The following PSD3 variants were observed in gnomAD, a reference collection of about 807,000 sequenced individuals.
The protein encoded by PSD3 is PH and SEC7 domain-containing protein 3.
A neutral mutation model predicts 105.5 loss-of-function variants in PSD3; 49 were observed. The ratio of observed to expected loss-of-function variants is 0.46; its 90% confidence interval spans 0.37 to 0.59. The LOEUF (loss-of-function observed/expected upper bound fraction) is 0.59. PSD3 is among the 20% of genes least tolerant of loss of function. The pLI is 0.00. For missense variants in PSD3, 1,561 were observed against 1,263.8 expected (o/e 1.24, Z -3.57); for synonymous variants, 557 against 457.8 (o/e 1.22, Z -2.77).
At chr8:18,808,698 C>G in intron 4 of PSD3, 2 of 1,609,354 alleles carry the variant, frequency 1.2e-6, no homozygotes, top group Non-Finnish European at 1.7e-6. Context: ...GAACAAGAAC[C>G]GGAATTGCTC....
rs148226024 is a variant in PSD3, at chr8:18,945,915, C to T, written c.22-9773G>A. The stretch of plus-strand genomic sequence containing the variant: ...CTTGAACCCGGGAAGTGGAGGCTGC[C>T]GTGAGCCGAGATCGCGCCATGCACT... On this transcript the variant is annotated intron_variant, in intron 1 of 15. Coordinates refer to ENST00000327040, the MANE Select transcript of PSD3 (RefSeq NM_015310.4). Among the ~76,000 whole-genome samples, 132 of 152,236 alleles carry T rather than the reference C, an allele frequency of 8.7e-4. 1 individual carries two copies. The highest frequency in any genetic ancestry group is 3.0e-3 in the African/African-American group (124 of 41,534).
intron 4 of PSD3, among the ~76,000 whole-genome samples, chr8:18,821,551 C>T (rs918322901): frequency 2.0e-5 from 3 of 151,848 alleles, no homozygotes; most frequent in Non-Finnish European, 2.9e-5. Context: ...TTTTTCCTAA[C>T]AAAACTGAAT....
At chr8:18,563,499 C>T (rs375424595) in intron 14 of PSD3, among the ~76,000 whole-genome samples, 2 of 151,900 alleles carry the variant, frequency 1.3e-5, no homozygotes, top group African/African-American at 2.4e-5. Context: ...CTGTTCAAAA[C>T]GAAGTGGTAC....
chr8:18,828,956 T>G (rs944540765), intron 4 of PSD3, among the ~76,000 whole-genome samples: 8 of 151,916 alleles, frequency 5.3e-5, no homozygotes, highest in Admixed American at 2.6e-4. Context: ...AATATAAAAT[T>G]CAGTTACTAA....
intron 12 of PSD3, among the ~76,000 whole-genome samples, chr8:18,592,045 T>C (rs1428329834): frequency 2.0e-5 from 3 of 152,044 alleles, no homozygotes; most frequent in South Asian, 4.1e-4. Context: ...CAGGAAAACA[T>C]GGTTCAATGG....
chr8:18,576,902 T>A lies in PSD3; in HGVS notation c.2482-1617A>T, dbSNP rs78536551. Among the ~76,000 whole-genome samples, 1,020 of 150,298 alleles carry A rather than the reference T, an allele frequency of 6.8e-3. 2 individuals carry two copies. The highest frequency in any genetic ancestry group is 0.017 in the Middle Eastern group (5 of 292). On this transcript the variant is annotated intron_variant, in intron 12 of 15. Coordinates refer to ENST00000327040, the MANE Select transcript of PSD3 (RefSeq NM_015310.4). ...AATTTGTGTGTACTTTTTTTTTTTT[T>A]ATATTCTAGGTCCATGATTTAAGCT...
intron 1 of PSD3, among the ~76,000 whole-genome samples, chr8:19,034,249 G>A (rs970086810): frequency 3.9e-5 from 6 of 152,054 alleles, no homozygotes; most frequent in African/African-American, 1.2e-4. Context: ...ATAACATTGT[G>A]TTACAGCCTA....
At position 18,535,941 on chromosome 8, in the gene PSD3, C is replaced by G; in HGVS notation, c.2946G>C (p.Met982Ile). ...YLEFEKTRYE[M>I]YVSILKEGGK... ...CTCCTTCCTTGAGAATGCTGACATACATTTCATAGCGGGTTTTCTGAAGGC... is the reference window on the plus strand; with the variant it reads ...CTCCTTCCTTGAGAATGCTGACATAGATTTCATAGCGGGTTTTCTGAAGGC... Residue 982 changes from methionine to isoleucine, a missense_variant, in exon 16 of 16, where the codon ATG becomes ATC. Coordinates refer to ENST00000327040, the MANE Select transcript of PSD3 (RefSeq NM_015310.4). 1 of 1,614,120 alleles carries G rather than the reference C, an allele frequency of 6.2e-7. No homozygotes were observed. The highest frequency in any genetic ancestry group is 2.2e-5 in the East Asian group (1 of 44,878).
intron 11 of PSD3, among the ~76,000 whole-genome samples, chr8:18,614,563 A>G (rs1040158632): frequency 5.3e-5 from 8 of 152,202 alleles, no homozygotes; most frequent in Non-Finnish European, 1.0e-4. Flanking sequence ...AAAGGAACAA[A>G]TAAGGCTTAA....
chr8:18,825,676 G>A (rs543734081), intron 4 of PSD3, among the ~76,000 whole-genome samples: 42 of 152,298 alleles, frequency 2.8e-4, no homozygotes, highest in South Asian at 1.7e-3. Flanking sequence ...GAACATTACT[G>A]TTTTAACTGA....
intron 9 of PSD3, among the ~76,000 whole-genome samples, chr8:18,673,668 A>T (rs1308250401): frequency 6.6e-6 from 1 of 152,160 alleles, no homozygotes; most frequent in Non-Finnish European, 1.5e-5. Context: ...TCTTCAAGCA[A>T]CTGAGAAAAA....
intron 1 of PSD3, among the ~76,000 whole-genome samples, chr8:19,047,947 T>C (rs1828384128): frequency 6.6e-6 from 1 of 152,176 alleles, no homozygotes; most frequent in African/African-American, 2.4e-5. Context: ...GATTTCTTTT[T>C]TTTTTAATGA....
intron 13 of PSD3, among the ~76,000 whole-genome samples, chr8:18,573,465 C>A (rs1315171879): frequency 1.3e-5 from 2 of 152,050 alleles, no homozygotes; most frequent in Non-Finnish European, 2.9e-5. Context: ...AGTGAGACTC[C>A]ATCTCAAAAG....
intron 9 of PSD3, among the ~76,000 whole-genome samples, chr8:18,674,911 G>A (rs890191581): frequency 1.3e-5 from 2 of 151,930 alleles, no homozygotes; most frequent in African/African-American, 4.8e-5. Context: ...GGAGGCATGA[G>A]GATTATATGA....
At chr8:19,079,587 G>C (rs1438530957) in intron 1 of PSD3, among the ~76,000 whole-genome samples, 1 of 152,222 alleles carries the variant, frequency 6.6e-6, no homozygotes, top group Non-Finnish European at 1.5e-5. Context: ...AATGAGGTAA[G>C]TGACTGCTTC....
In PSD3 at chr8:18,867,755, G is replaced by T; in HGVS notation, c.1553C>A (p.Ser518Tyr). 1 of 1,614,064 alleles carries T rather than the reference G, an allele frequency of 6.2e-7. No individual in the cohort carries two copies. Among genetic ancestry groups the T allele is most frequent in the African/African-American group, 1.3e-5 (1 of 74,996 alleles). The change falls in exon 4 of 16, where the codon TCT (serine) becomes TAT (tyrosine). Residue 518 changes from serine to tyrosine, a missense_variant. By Grantham distance (144) the Ser-to-Tyr change is moderately radical. Coordinates refer to ENST00000327040, the MANE Select transcript of PSD3 (RefSeq NM_015310.4). Reference sequence around the variant, plus strand: ...ATTCAGCCCATTGGTGACGCCACTAGAATAGCCCATCACGATGCCACCATC... The same window carrying T: ...ATTCAGCCCATTGGTGACGCCACTATAATAGCCCATCACGATGCCACCATC... Reference protein sequence around the residue: ...SADGGIVMGYSSGVTNGLNDA... With the variant: ...SADGGIVMGYYSGVTNGLNDA...
In PSD3 at chr8:19,023,756, G is replaced by A. The variant is rs755494278; in HGVS notation, c.324+60450C>T. On this transcript the variant is annotated intron_variant, in intron 1 of 1. Coordinates refer to the PSD3 transcript ENST00000521475. ...ATGGCTACTGTATTTAGACATTGCA[G>A]CTCTAGAACGTTTCCATGAATACAA... 5.3e-5 allele frequency among the ~76,000 whole-genome samples: 8 copies of A among 152,118 alleles called. 1 individual carries two copies. Among genetic ancestry groups the A allele is most frequent in the Non-Finnish European group, 8.8e-5 (6 of 68,028 alleles).
intron 11 of PSD3, among the ~76,000 whole-genome samples, chr8:18,604,379 G>T (rs192568684): frequency 1.3e-5 from 2 of 151,564 alleles, no homozygotes; most frequent in East Asian, 3.9e-4. Flanking sequence ...GTATCTGGCA[G>T]AAGAAATTTC....
At chr8:19,053,573 C>G (rs537086328) in intron 1 of PSD3, among the ~76,000 whole-genome samples, 1 of 152,074 alleles carries the variant, frequency 6.6e-6, no homozygotes, top group South Asian at 2.1e-4. Flanking sequence ...CCAAGGCAGC[C>G]GGATCACTTG....
Sources: gnomAD v4.1 joint callset for allele counts (sites outside exome capture counted in the v4.1 genomes callset) on GRCh38, gnomAD v4.1.1 for gene constraint, MANE v1.5 for transcripts, NCBI Gene and HGNC (gene_info 2026-07-23, HGNC 2026-07-21) for gene names.